PCDH11X: variants seen among roughly 807,000 people sequenced by gnomAD.
PCDH11X encodes the protein protocadherin-11 X-linked.
In PCDH11X, 18 loss-of-function variants were observed where a neutral mutation model predicts 53.3. The ratio of observed to expected loss-of-function variants is 0.34; its 90% CI spans 0.23 to 0.50. The LOEUF (loss-of-function observed/expected upper bound fraction) is 0.50. PCDH11X is among the 20% of genes least tolerant of loss of function. The probability of loss-of-function intolerance (pLI) is 0.98; values close to 1 mark genes in which losing one functional copy is unlikely to be tolerated. For missense variants in PCDH11X, 570 were observed against 1,032.4 expected (o/e 0.55, Z 6.14); for synonymous variants, 279 against 393.3 (o/e 0.71, Z 3.44).
intron 1 of PCDH11X, among the ~76,000 whole-genome samples, chrX:91,801,907 A>T (rs1367808148): frequency 8.9e-6 from 1 of 112,929 alleles, no homozygotes; most frequent in Non-Finnish European, 1.9e-5. Flanking sequence ...TTTAAATGAA[A>T]CAATAAAATC....
chrX:92,613,817 C>T (rs1927672609), intron 10 of PCDH11X, among the ~76,000 whole-genome samples: 1 of 110,169 alleles, frequency 9.1e-6, no homozygotes. Context: ...TCTAATATTC[C>T]TCAAAAACAT....
intron 6 of PCDH11X, among the ~76,000 whole-genome samples, chrX:92,080,336 C>CA (rs1898211874): frequency 9.0e-6 from 1 of 110,905 alleles, no homozygotes; most frequent in African/African-American, 3.3e-5. Context: ...GTTACAGTAG[C>CA]AATAGGAAAC....
chrX:91,839,658 G>T (rs1169055822), intron 5 of PCDH11X, among the ~76,000 whole-genome samples: 2 of 109,904 alleles, frequency 1.8e-5, no homozygotes, highest in Non-Finnish European at 3.8e-5. Flanking sequence ...GTGGGGGAAT[G>T]AAGTGATTAC....
At chrX:92,250,439 C>T (rs2067435879) in intron 7 of PCDH11X, among the ~76,000 whole-genome samples, 1 of 109,189 alleles carries the variant, frequency 9.2e-6, no homozygotes, top group African/African-American at 3.3e-5. Context: ...AATTCCACTC[C>T]AAGGTACATA....
At chrX:92,464,390 C>T (rs1323322402) in intron 9 of PCDH11X, among the ~76,000 whole-genome samples, 1 of 110,477 alleles carries the variant, frequency 9.1e-6, no homozygotes, top group Non-Finnish European at 1.9e-5. Flanking sequence ...CGAGTGAGTT[C>T]TCAAGAGATC....
At chrX:92,378,199 G>A (rs5942233) in intron 8 of PCDH11X, among the ~76,000 whole-genome samples, 21,489 of 102,419 alleles carry the variant, frequency 0.21, 1,684 homozygotes, top group Middle Eastern at 0.23. Context: ...TGATTTTTAC[G>A]AAAAATAATG....
rs751094829 is a variant in PCDH11X at position 92,175,756 on chromosome X, ATGTGTG to A, written c.3034-25603_3034-25598del. On this transcript the variant is annotated intron_variant, in intron 6 of 10. Coordinates refer to ENST00000682573, the MANE Select transcript of PCDH11X (RefSeq NM_032968.5). ...AGAGTATTTGTGTGTGTATACATAT[ATGTGTG>A]TGTGTGTGTGTGTGTATATATATAC... 2.1e-3 allele frequency among the ~76,000 whole-genome samples: 151 copies of A among 70,955 alleles called. 1 individual carries two copies. The highest frequency in any genetic ancestry group is 7.0e-3 in the African/African-American group (143 of 20,538). The allele number at this position is 70,955 out of a possible 115,157, so 61.6% of individuals were successfully genotyped here. A position where few individuals can be genotyped will look rare whatever the true frequency, so the allele number is the denominator to read the frequency against.
intron 6 of PCDH11X, chrX:92,113,249 A>T: frequency 8.4e-7 from 1 of 1,194,335 alleles, no homozygotes; most frequent in Non-Finnish European, 1.1e-6. Flanking sequence ...CCCTCAGATG[A>T]GGTCAGCAAC....
intron 10 of PCDH11X, among the ~76,000 whole-genome samples, chrX:92,531,715 T>C (rs1189382449): frequency 9.1e-6 from 1 of 109,500 alleles, no homozygotes; most frequent in Non-Finnish European, 1.9e-5. Flanking sequence ...TTCTGAGCTT[T>C]TCTGGATTTA....
At chrX:92,579,921 T>G (rs187481115) in intron 10 of PCDH11X, among the ~76,000 whole-genome samples, 1 of 110,319 alleles carries the variant, frequency 9.1e-6, no homozygotes, top group East Asian at 2.9e-4. Context: ...TGGATGGAGT[T>G]TTTGTGGGGT....
chrX:92,548,226 G>A, intron 10 of PCDH11X, among the ~76,000 whole-genome samples: 1 of 110,410 alleles, frequency 9.1e-6, no homozygotes, highest in East Asian at 2.9e-4. Context: ...CTGGAGTGCA[G>A]TGACACAATC....
At chrX:92,076,867 T>G (rs1330610814) in intron 6 of PCDH11X, among the ~76,000 whole-genome samples, 2 of 112,213 alleles carry the variant, frequency 1.8e-5, no homozygotes, top group Non-Finnish European at 3.8e-5. Flanking sequence ...ATTCAAATGA[T>G]CTCTTAAACA....
At chrX:92,603,980 A>C (rs1004001400) in intron 10 of PCDH11X, among the ~76,000 whole-genome samples, 26 of 107,110 alleles carry the variant, frequency 2.4e-4, no homozygotes, top group African/African-American at 8.7e-4. Flanking sequence ...TATAAGATAT[A>C]TACATATATA....
intron 7 of PCDH11X, among the ~76,000 whole-genome samples, chrX:92,260,943 A>T (rs1314476408): frequency 9.0e-6 from 1 of 111,659 alleles, no homozygotes; most frequent in Non-Finnish European, 1.9e-5. Context: ...ATATAATTTA[A>T]TTTGGGCAAA....
At chrX:92,516,629 A>G (rs1238797672) in intron 10 of PCDH11X, among the ~76,000 whole-genome samples, 1 of 112,458 alleles carries the variant, frequency 8.9e-6, no homozygotes, top group Non-Finnish European at 1.9e-5. Flanking sequence ...TAGGTTTACT[A>G]TAAATAATTT....
chrX:92,192,708 G>T (rs1881160459), intron 6 of PCDH11X, among the ~76,000 whole-genome samples: 1 of 110,250 alleles, frequency 9.1e-6, no homozygotes, highest in South Asian at 4.0e-4. Context: ...GCAAGCTAGA[G>T]TAGACCCGGG....
At chrX:92,181,272 A>G (rs954880978) in intron 6 of PCDH11X, among the ~76,000 whole-genome samples, 6 of 111,270 alleles carry the variant, frequency 5.4e-5, no homozygotes, top group African/African-American at 2.0e-4. Flanking sequence ...TGAACTTGAG[A>G]GAGATGATTT....
intron 6 of PCDH11X, among the ~76,000 whole-genome samples, chrX:91,905,608 A>G (rs1157227760): frequency 9.0e-6 from 1 of 111,468 alleles, no homozygotes; most frequent in Non-Finnish European, 1.9e-5. Flanking sequence ...TTAGATTTAT[A>G]TATTTTTAGT....
chrX:92,524,038 A>G (rs1220112343), intron 10 of PCDH11X, among the ~76,000 whole-genome samples: 5 of 108,971 alleles, frequency 4.6e-5, no homozygotes, highest in Non-Finnish European at 9.5e-5. Context: ...ATATGAGTAA[A>G]CGCTTAGCAC....
Sources: gnomAD v4.1 joint callset for allele counts (sites outside exome capture counted in the v4.1 genomes callset) on GRCh38, gnomAD v4.1.1 for gene constraint, MANE v1.5 for transcripts, NCBI Gene and HGNC (gene_info 2026-07-23, HGNC 2026-07-21) for gene names.